Variants in DACH2 observed in about 807,000 individuals in gnomAD.
The protein encoded by DACH2 is dachshund homolog 2.
Under a neutral mutation model 35.8 loss-of-function variants are expected in DACH2, and 17 were observed. That is an observed-to-expected ratio of 0.48 (90% CI 0.33 to 0.71). The LOEUF is 0.71. Ranked by LOEUF, DACH2 falls within the 30% of genes least tolerant of loss-of-function variation. DACH2 has a pLI of 0.02. For missense variants in DACH2, 469 were observed against 472.7 expected, an observed-to-expected ratio of 0.99 and a Z score of 0.07; for synonymous variants, 195 against 177.3, an observed-to-expected ratio of 1.10 and a Z score of -0.79.
At chrX:86,289,487 T>C (rs1184790907) in intron 1 of DACH2, among the ~76,000 whole-genome samples, 1 of 107,898 alleles carries the variant, frequency 9.3e-6, no homozygotes, top group Non-Finnish European at 1.9e-5. Flanking sequence ...TAGTTACATA[T>C]GTATACATGT....
intron 7 of DACH2, among the ~76,000 whole-genome samples, chrX:86,778,526 A>G (rs2042057811): frequency 8.9e-6 from 1 of 112,255 alleles, no homozygotes. Context: ...TCACAGCCCA[A>G]TATATGAATT....
At chrX:86,829,958 T>A (rs1407230981) in intron 11 of DACH2, 1 of 111,167 alleles carries the variant, frequency 9.0e-6, no homozygotes, top group East Asian at 2.8e-4. Context: ...AGAGTTCATA[T>A]CAGATCATCT....
At chrX:86,238,530 A>C (rs1221066061) in intron 1 of DACH2, among the ~76,000 whole-genome samples, 1 of 111,826 alleles carries the variant, frequency 8.9e-6, no homozygotes, top group East Asian at 2.8e-4. Flanking sequence ...ATGTCAATAA[A>C]AATATTTATA....
At chrX:86,244,442 A>G (rs1025671824) in intron 1 of DACH2, among the ~76,000 whole-genome samples, 1 of 112,007 alleles carries the variant, frequency 8.9e-6, no homozygotes, top group African/African-American at 3.2e-5. Context: ...TAGAAGACAG[A>G]AAATATCCAA....
chrX:86,480,912 T>C (rs1165088900), intron 2 of DACH2: 2 of 111,789 alleles, frequency 1.8e-5, no homozygotes, highest in African/African-American at 6.5e-5. Flanking sequence ...CCATGGAAAA[T>C]AGTATAAAAT....
At chrX:86,247,944 A>G (rs1380234676) in intron 1 of DACH2, among the ~76,000 whole-genome samples, 1 of 111,332 alleles carries the variant, frequency 9.0e-6, no homozygotes, top group Non-Finnish European at 1.9e-5. Flanking sequence ...CAAAAACCAC[A>G]TGGTCATCTC....
At chrX:86,334,439 A>G (rs761314832) in intron 1 of DACH2, among the ~76,000 whole-genome samples, 1 of 111,794 alleles carries the variant, frequency 8.9e-6, no homozygotes, top group South Asian at 3.8e-4. Flanking sequence ...TTACTTTTTA[A>G]TGATCACCAT....
rs575222437 is a variant in DACH2, at chrX:86,666,988, G to A, written c.772+15821G>A. On this transcript the variant is annotated intron_variant, in intron 4 of 11. Transcript: ENST00000373125. Reference sequence around the variant, plus strand: ...GGGCCGGGCATGGTGGCTCTCCCCTGTAATCCCAGCACTTTGGGAGGCTGA... The same window carrying A: ...GGGCCGGGCATGGTGGCTCTCCCCTATAATCCCAGCACTTTGGGAGGCTGA... Among the ~76,000 whole-genome samples, 4 of 104,471 alleles carry A rather than the reference G, an allele frequency of 3.8e-5. No homozygotes were observed. The South Asian group carries it at 1.8e-3, about 47-fold the overall frequency. 90.7% of individuals were successfully genotyped at this position (104,471 alleles called of 115,157 possible).
intron 2 of DACH2, among the ~76,000 whole-genome samples, chrX:86,455,554 G>T (rs2037461067): frequency 8.9e-6 from 1 of 112,484 alleles, no homozygotes. Context: ...TAAAGAAGCA[G>T]TCTGGCCACA....
chrX:86,247,572 G>A (rs186898665), intron 1 of DACH2, among the ~76,000 whole-genome samples: 1 of 110,987 alleles, frequency 9.0e-6, no homozygotes, highest in East Asian at 2.8e-4. Context: ...GGAAGAAATT[G>A]AATCTCTGAA....
intron 6 of DACH2, among the ~76,000 whole-genome samples, chrX:86,719,327 A>T (rs1232423304): frequency 8.9e-6 from 1 of 112,220 alleles, no homozygotes; most frequent in Non-Finnish European, 1.9e-5. Context: ...TTCAAACTTT[A>T]CTAAACTAAT....
rs189812185 is a variant in DACH2, at chrX:86,439,012, C to T, written c.527+62150C>T. Among the ~76,000 whole-genome samples, 50 of 112,156 alleles carry T rather than the reference C, an allele frequency of 4.5e-4. 1 individual carries two copies. In the East Asian group the frequency reaches 0.013, roughly 28 times the overall value. On this transcript the variant is annotated intron_variant, in intron 2 of 11. Coordinates refer to ENST00000373125, the MANE Select transcript of DACH2 (RefSeq NM_053281.3). ...CTGTACAAATTTACATTCCTACCAA[C>T]GGTGAATAAGAATATAGTTCTCTTC...
At chrX:86,817,509 A>G (rs1392971926) in intron 11 of DACH2, among the ~76,000 whole-genome samples, 2 of 111,366 alleles carry the variant, frequency 1.8e-5, no homozygotes, top group Admixed American at 1.9e-4. Context: ...ATTGAACTTG[A>G]TTGTGCCCTG....
chrX:86,489,449 T>C (rs749190114), intron 2 of DACH2, among the ~76,000 whole-genome samples: 16 of 111,194 alleles, frequency 1.4e-4, no homozygotes, highest in Non-Finnish European at 2.7e-4. Context: ...AATTATAGAT[T>C]TTTTTCTGTT....
intron 1 of DACH2, 147 bp downstream of exon 1, chrX:86,149,255 G>T: frequency 1.3e-6 from 1 of 740,831 alleles, no homozygotes; most frequent in Non-Finnish European, 1.9e-6. Flanking sequence ...TGGGGAAAGA[G>T]GACTAGAAGC....
At chrX:86,203,534 A>G (rs1314870454) in intron 1 of DACH2, among the ~76,000 whole-genome samples, 1 of 111,899 alleles carries the variant, frequency 8.9e-6, no homozygotes, top group Non-Finnish European at 1.9e-5. Context: ...GTTTTGAAGT[A>G]TGTATACAAT....
intron 1 of DACH2, among the ~76,000 whole-genome samples, chrX:86,237,007 T>G (rs771164545): frequency 8.9e-6 from 1 of 112,639 alleles, no homozygotes; most frequent in African/African-American, 3.2e-5. Flanking sequence ...TACAAAAATA[T>G]TTTCTTTCTT....
At chrX:86,513,151 G>T (rs1283368718) in intron 2 of DACH2, among the ~76,000 whole-genome samples, 4 of 111,949 alleles carry the variant, frequency 3.6e-5, no homozygotes, top group Non-Finnish European at 7.5e-5. Flanking sequence ...CTACTGCAAA[G>T]TTGATAGAGT....
At chrX:86,544,258 A>G (rs2038927912) in intron 3 of DACH2, among the ~76,000 whole-genome samples, 1 of 111,409 alleles carries the variant, frequency 9.0e-6, no homozygotes, top group African/African-American at 3.3e-5. Context: ...ATCTCACTAC[A>G]GAGACCAACA....
Sources: allele counts gnomAD v4.1 joint callset (sites outside exome capture counted in the v4.1 genomes callset), GRCh38; gene constraint gnomAD v4.1.1; transcripts MANE v1.5; gene names NCBI Gene and HGNC (gene_info 2026-07-23, HGNC 2026-07-21).